The following EYA1 variants were observed in gnomAD, a reference collection of about 807,000 sequenced individuals.
EYA1 encodes the protein protein phosphatase EYA1.
A neutral mutation model predicts 82.0 loss-of-function variants in EYA1; 16 were observed. That is an observed-to-expected ratio of 0.20 (90% confidence interval 0.13 to 0.30). The LOEUF is 0.30. EYA1 is among the 10% of genes least tolerant of loss of function. The probability of loss-of-function intolerance (pLI) is 1.00; values close to 1 mark genes in which losing one functional copy is unlikely to be tolerated. For missense variants in EYA1, 633 were observed against 730.7 expected (o/e 0.87, Z 1.54); for synonymous variants, 261 against 264.4 (o/e 0.99, Z 0.12).
At chr8:71,348,095 C>A (rs1825934157) in intron 3 of EYA1, among the ~76,000 whole-genome samples, 1 of 151,958 alleles carries the variant, frequency 6.6e-6, no homozygotes, top group Non-Finnish European at 1.5e-5. Flanking sequence ...CCTACCCAAA[C>A]CAAAAATGGA....
chr8:71,412,081 G>C (rs1287687833), intron 2 of EYA1, among the ~76,000 whole-genome samples: 6 of 149,192 alleles, frequency 4.0e-5, no homozygotes, highest in Admixed American at 2.7e-4. Flanking sequence ...CCTTTGTAGG[G>C]ACATGGATGA....
chr8:71,371,334 A>G (rs1247667014), intron 2 of EYA1, among the ~76,000 whole-genome samples: 1 of 152,178 alleles, frequency 6.6e-6, no homozygotes, highest in East Asian at 1.9e-4. Flanking sequence ...CTCTTCCTCC[A>G]TAACTTTTCC....
At position 71,297,991 on chromosome 8, in the gene EYA1, T is replaced by C. The variant is rs113084620; in HGVS notation, c.826+1056A>G. ...ATGATGAAACTTTAGAATAAAGCAATGTCTGCATACTTATTTTTAAAAGGA... is the reference window on the plus strand; with the variant it reads ...ATGATGAAACTTTAGAATAAAGCAACGTCTGCATACTTATTTTTAAAAGGA... On this transcript the variant is annotated intron_variant, in intron 9 of 17. Transcript: ENST00000340726. 2.8e-3 allele frequency among the ~76,000 whole-genome samples: 423 copies of C among 152,292 alleles called. 1 individual carries two copies. The highest frequency in any genetic ancestry group is 9.7e-3 in the African/African-American group (403 of 41,578).
intron 3 of EYA1, among the ~76,000 whole-genome samples, chr8:71,336,885 G>A (rs1238082564): frequency 3.3e-5 from 5 of 152,210 alleles, no homozygotes; most frequent in Non-Finnish European, 7.3e-5. Flanking sequence ...CCAGGGACCT[G>A]ATGCTAAAGA....
At chr8:71,320,002 G>A (rs994523739) in intron 6 of EYA1, among the ~76,000 whole-genome samples, 2 of 152,128 alleles carry the variant, frequency 1.3e-5, no homozygotes, top group African/African-American at 2.4e-5. Flanking sequence ...CCTTCACACT[G>A]AGCCTCGCTC....
chr8:71,229,462 G>T (rs1252881798), intron 12 of EYA1, among the ~76,000 whole-genome samples: 1 of 152,092 alleles, frequency 6.6e-6, no homozygotes, highest in Non-Finnish European at 1.5e-5. Context: ...TTGAAGAAAA[G>T]ACCATCTTTC....
At chr8:71,258,621 G>A (rs750989802) in intron 11 of EYA1, among the ~76,000 whole-genome samples, 5 of 152,148 alleles carry the variant, frequency 3.3e-5, no homozygotes, top group Non-Finnish European at 5.9e-5. Context: ...AGGAAGGAGC[G>A]GAAGGGAGTA....
At chr8:71,334,933 C>T (rs149484101) in intron 3 of EYA1, among the ~76,000 whole-genome samples, 6 of 152,318 alleles carry the variant, frequency 3.9e-5, no homozygotes, top group African/African-American at 9.6e-5. Context: ...CAATCCACTC[C>T]CCTGATATGG....
intron 2 of EYA1, among the ~76,000 whole-genome samples, chr8:71,506,239 T>C (rs1364560311): frequency 6.6e-6 from 1 of 152,210 alleles, no homozygotes; most frequent in Non-Finnish European, 1.5e-5. Context: ...GCTGCCCCAC[T>C]ATGATGAGAA....
intron 3 of EYA1, among the ~76,000 whole-genome samples, chr8:71,336,137 G>A (rs559657296): frequency 4.7e-4 from 71 of 152,224 alleles, no homozygotes; most frequent in African/African-American, 1.6e-3. Flanking sequence ...CACAGTAAGG[G>A]GCAGAAATAA....
At chr8:71,412,931 T>C (rs544586470) in intron 2 of EYA1, among the ~76,000 whole-genome samples, 1 of 152,250 alleles carries the variant, frequency 6.6e-6, no homozygotes, top group African/African-American at 2.4e-5. Flanking sequence ...GGAATACCTT[T>C]TGGGGAGCTG....
chr8:71,511,976 T>C (rs938929762), intron 2 of EYA1, among the ~76,000 whole-genome samples: 2 of 152,118 alleles, frequency 1.3e-5, no homozygotes, highest in African/African-American at 4.8e-5. Context: ...GTGCCCTCAA[T>C]AGTAAAAAGC....
intron 2 of EYA1, among the ~76,000 whole-genome samples, chr8:71,445,677 C>G (rs902043443): frequency 6.6e-6 from 1 of 152,160 alleles, no homozygotes; most frequent in Non-Finnish European, 1.5e-5. Context: ...CACTCTGTCG[C>G]CCAGGCTGGA....
At chr8:71,318,678 C>T (rs1822190023) in intron 6 of EYA1, among the ~76,000 whole-genome samples, 1 of 152,098 alleles carries the variant, frequency 6.6e-6, no homozygotes, top group African/African-American at 2.4e-5. Flanking sequence ...AATAATTTTG[C>T]TTCGTACTTA....
intron 6 of EYA1, 146 bp from the exon 7 acceptor site, chr8:71,317,835 T>C: frequency 1.3e-6 from 1 of 756,032 alleles, no homozygotes; most frequent in Non-Finnish European, 2.3e-6. Context: ...TTCAGTGAAA[T>C]ACCATAAAGT....
At chr8:71,373,423 T>G (rs1359669024) in intron 2 of EYA1, among the ~76,000 whole-genome samples, 1 of 152,060 alleles carries the variant, frequency 6.6e-6, no homozygotes, top group Non-Finnish European at 1.5e-5. Flanking sequence ...GAAACAAATT[T>G]AACTAAGGAA....
chr8:71,340,809 C>G (rs1825040064), intron 3 of EYA1, among the ~76,000 whole-genome samples: 1 of 151,962 alleles, frequency 6.6e-6, no homozygotes, highest in African/African-American at 2.4e-5. Flanking sequence ...GATTGTATCT[C>G]TACAGGACTT....
At chr8:71,202,647 A>G (rs1234512108) in intron 17 of EYA1, among the ~76,000 whole-genome samples, 1 of 152,206 alleles carries the variant, frequency 6.6e-6, no homozygotes, top group Non-Finnish European at 1.5e-5. Flanking sequence ...AAGGTTCTAC[A>G]ATGAAAACTT....
intron 2 of EYA1, among the ~76,000 whole-genome samples, chr8:71,389,058 G>GC: frequency 6.6e-6 from 1 of 151,770 alleles, no homozygotes; most frequent in Admixed American, 6.6e-5. Flanking sequence ...AGACAGTCAA[G>GC]CAACAACAAC....
Sources: allele counts gnomAD v4.1 joint callset (sites outside exome capture counted in the v4.1 genomes callset), GRCh38; gene constraint gnomAD v4.1.1; transcripts MANE v1.5; gene names NCBI Gene and HGNC (gene_info 2026-07-23, HGNC 2026-07-21).